Variants in ZNF521 observed in about 807,000 individuals in gnomAD.
The protein encoded by ZNF521 is LYST-interacting protein 3.
ZNF521 carries 14 observed loss-of-function variants against 105.5 expected under a neutral mutation model. The observed-to-expected ratio is 0.13, with a 90% CI of 0.09 to 0.21. ZNF521 has a LOEUF of 0.21. Ranked by LOEUF, ZNF521 falls within the 10% of genes least tolerant of loss-of-function variation. The pLI, the probability that ZNF521 is intolerant of heterozygous loss-of-function variation, is 1.00. For missense variants in ZNF521, 1,233 were observed against 1,629.7 expected, an observed-to-expected ratio of 0.76 and a Z score of 4.19; for synonymous variants, 635 against 606.0, an observed-to-expected ratio of 1.05 and a Z score of -0.70.
In ZNF521 at chr18:25,223,376, C is replaced by T. The variant is rs1305310358; in HGVS notation, c.3573+969G>A. 4.6e-5 allele frequency among the ~76,000 whole-genome samples: 7 copies of T among 152,188 alleles called. No individual in the cohort carries two copies. In the East Asian group the frequency reaches 1.2e-3, roughly 25 times the overall value. ...CCCCTGCCAGCTGACTGATGGCTATCTGCAGGGAGCCACAGGGGGGCCTCC... is the reference window on the plus strand; with the variant it reads ...CCCCTGCCAGCTGACTGATGGCTATTTGCAGGGAGCCACAGGGGGGCCTCC... On this transcript the variant is annotated intron_variant, in intron 4 of 7. Coordinates refer to ENST00000361524, the MANE Select transcript of ZNF521 (RefSeq NM_015461.3).
chr18:25,111,803 C>T (rs186250222), intron 5 of ZNF521, among the ~76,000 whole-genome samples: 2 of 152,316 alleles, frequency 1.3e-5, no homozygotes, highest in East Asian at 3.9e-4. Flanking sequence ...CAAGCCTGAC[C>T]CAGTATCTGG....
At chr18:25,109,184 T>A (rs936782720) in intron 5 of ZNF521, among the ~76,000 whole-genome samples, 8 of 152,130 alleles carry the variant, frequency 5.3e-5, no homozygotes, top group African/African-American at 1.9e-4. Flanking sequence ...ATTGTTTAGT[T>A]CCCACTTATA....
chr18:25,196,167 G>A (rs1049221413), intron 4 of ZNF521, among the ~76,000 whole-genome samples: 6 of 151,620 alleles, frequency 4.0e-5, no homozygotes, highest in African/African-American at 1.5e-4. Flanking sequence ...CTTAATATTT[G>A]TAATTAAAAA....
intron 5 of ZNF521, among the ~76,000 whole-genome samples, chr18:25,123,169 A>G (rs890442210): frequency 6.6e-6 from 1 of 151,696 alleles, no homozygotes; most frequent in Non-Finnish European, 1.5e-5. Context: ...AAGTACAGAT[A>G]ATTATTAGAA....
chr18:25,238,261 A>T (rs1568028855), intron 3 of ZNF521, among the ~76,000 whole-genome samples: 1 of 152,234 alleles, frequency 6.6e-6, no homozygotes, highest in East Asian at 1.9e-4. Context: ...AAAAAAATTC[A>T]TTGTTTTTCA....
intron 3 of ZNF521, among the ~76,000 whole-genome samples, chr18:25,242,828 T>C (rs1470603243): frequency 1.3e-5 from 2 of 151,800 alleles, no homozygotes; most frequent in African/African-American, 4.8e-5. Flanking sequence ...CTTAGAGGGG[T>C]TGGGGAATGT....
At chr18:25,284,427 G>A (rs143583316) in intron 3 of ZNF521, among the ~76,000 whole-genome samples, 71 of 152,210 alleles carry the variant, frequency 4.7e-4, no homozygotes, top group Non-Finnish European at 8.5e-4. Flanking sequence ...AACCTGTCTT[G>A]ATGAAATGTA....
At chr18:25,183,917 A>G (rs2035675757) in intron 5 of ZNF521, among the ~76,000 whole-genome samples, 1 of 152,210 alleles carries the variant, frequency 6.6e-6, no homozygotes, top group African/African-American at 2.4e-5. Flanking sequence ...TTCACAAAAC[A>G]TTTAAAAGGC....
intron 2 of ZNF521, among the ~76,000 whole-genome samples, chr18:25,332,736 C>G (rs538492061): frequency 6.6e-6 from 1 of 152,176 alleles, no homozygotes; most frequent in East Asian, 1.9e-4. Flanking sequence ...AGTTTTAATA[C>G]AATCTCTCCA....
chr18:25,325,929 A>G (rs902229788), intron 2 of ZNF521, among the ~76,000 whole-genome samples: 1 of 152,182 alleles, frequency 6.6e-6, no homozygotes, highest in African/African-American at 2.4e-5. Flanking sequence ...TCCTGTTCAT[A>G]AGAATTGTTA....
intron 3 of ZNF521, among the ~76,000 whole-genome samples, chr18:25,249,147 C>G (rs536030848): frequency 2.8e-5 from 4 of 144,096 alleles, no homozygotes; most frequent in African/African-American, 1.0e-4. Flanking sequence ...TCTTTACTTT[C>G]TTTTTTTTTT....
intron 3 of ZNF521, among the ~76,000 whole-genome samples, chr18:25,258,587 A>C (rs1325435515): frequency 3.3e-5 from 5 of 152,206 alleles, no homozygotes; most frequent in Non-Finnish European, 7.4e-5. Flanking sequence ...AGGGAATTTT[A>C]ACTGTAACTG....
chr18:25,175,516 G>T (rs115809057), intron 5 of ZNF521, among the ~76,000 whole-genome samples: 151 of 152,238 alleles, frequency 9.9e-4, no homozygotes, highest in Middle Eastern at 6.8e-3. Flanking sequence ...CTGTCATACC[G>T]GAGGATTTAA....
At chr18:25,212,684 C>T (rs1023745691) in intron 4 of ZNF521, among the ~76,000 whole-genome samples, 7 of 149,954 alleles carry the variant, frequency 4.7e-5, no homozygotes, top group Non-Finnish European at 7.4e-5. Flanking sequence ...ATAACTTCCA[C>T]GAACAAGTTA....
intron 4 of ZNF521, among the ~76,000 whole-genome samples, chr18:25,204,390 C>T (rs2036044143): frequency 6.6e-6 from 1 of 151,496 alleles, no homozygotes; most frequent in Non-Finnish European, 1.5e-5. Flanking sequence ...AGTCAAAAAC[C>T]AGGAAATAAT....
At chr18:25,190,001 C>T (rs1355941873) in intron 5 of ZNF521, among the ~76,000 whole-genome samples, 1 of 152,166 alleles carries the variant, frequency 6.6e-6, no homozygotes, top group Non-Finnish European at 1.5e-5. Context: ...TGGCCCACTT[C>T]TCATCTCTCC....
intron 5 of ZNF521, among the ~76,000 whole-genome samples, chr18:25,182,330 C>T (rs1447293768): frequency 6.6e-6 from 1 of 152,106 alleles, no homozygotes; most frequent in African/African-American, 2.4e-5. Context: ...ATTAATATTC[C>T]TTGATGATAA....
intron 3 of ZNF521, among the ~76,000 whole-genome samples, chr18:25,256,298 A>C (rs2144872149): frequency 6.6e-6 from 1 of 152,168 alleles, no homozygotes; most frequent in East Asian, 1.9e-4. Flanking sequence ...ATAGAGTTTC[A>C]GTTTTGCAAG....
chr18:25,144,498 T>C (rs753340352), intron 5 of ZNF521, among the ~76,000 whole-genome samples: 1 of 152,180 alleles, frequency 6.6e-6, no homozygotes, highest in Non-Finnish European at 1.5e-5. Context: ...AAGTTTCATA[T>C]CTTTATCAAG....
Sources: gnomAD v4.1 joint callset for allele counts (sites outside exome capture counted in the v4.1 genomes callset) on GRCh38, gnomAD v4.1.1 for gene constraint, MANE v1.5 for transcripts, NCBI Gene and HGNC (gene_info 2026-07-23, HGNC 2026-07-21) for gene names.